PKP2: variants seen among roughly 807,000 people sequenced by gnomAD.
The protein encoded by PKP2 is plakophilin-2.
A neutral mutation model predicts 83.4 loss-of-function variants in PKP2; 73 were observed. That is an observed-to-expected ratio of 0.88 (90% CI 0.72 to 1.06). The LOEUF is 1.06. PKP2 is among the 50% of genes least tolerant of loss of function. The pLI, the probability that PKP2 is intolerant of heterozygous loss-of-function variation, is 0.00. For missense variants in PKP2, 966 were observed against 1,065.4 expected (o/e 0.91, Z 1.30); for synonymous variants, 409 against 430.4 (o/e 0.95, Z 0.62).
chr12:32,835,781 G>A (rs1018707115), intron 6 of PKP2, among the ~76,000 whole-genome samples: 1 of 152,150 alleles, frequency 6.6e-6, no homozygotes, highest in Non-Finnish European at 1.5e-5. Context: ...TCTGGGGCTG[G>A]GGGAGGGGGA....
At chr12:32,797,794 G>A (rs1956142205) in intron 10 of PKP2, among the ~76,000 whole-genome samples, 1 of 151,862 alleles carries the variant, frequency 6.6e-6, no homozygotes, top group Non-Finnish European at 1.5e-5. Context: ...CTGATCTTGT[G>A]ATCCGCCCGC....
At chr12:32,814,220 T>C (rs546619783) in intron 9 of PKP2, among the ~76,000 whole-genome samples, 1 of 152,312 alleles carries the variant, frequency 6.6e-6, no homozygotes, top group Non-Finnish European at 1.5e-5. Flanking sequence ...ACAAGGCCTA[T>C]TATTCTTTCC....
intron 4 of PKP2, among the ~76,000 whole-genome samples, chr12:32,859,202 T>C (rs1445278369): frequency 1.3e-5 from 2 of 152,188 alleles, no homozygotes; most frequent in East Asian, 3.8e-4. Flanking sequence ...GAAAATTAAT[T>C]TGATGCTTTG....
chr12:32,794,067 G>C (rs1193485681), intron 11 of PKP2, among the ~76,000 whole-genome samples: 1 of 152,100 alleles, frequency 6.6e-6, no homozygotes, highest in Non-Finnish European at 1.5e-5. Context: ...ACCAAAACCA[G>C]AGAGTGCAAA....
intron 8 of PKP2, among the ~76,000 whole-genome samples, chr12:32,822,161 T>C (rs942251836): frequency 1.3e-5 from 2 of 152,206 alleles, no homozygotes; most frequent in African/African-American, 4.8e-5. Flanking sequence ...TCCTAACCTA[T>C]AAGGCATAAA....
chr12:32,815,372 C>T (rs540511279), intron 9 of PKP2, among the ~76,000 whole-genome samples: 32 of 152,268 alleles, frequency 2.1e-4, no homozygotes, highest in Middle Eastern at 3.4e-3. Flanking sequence ...TATTTTACAA[C>T]TCTCCTAAAC....
chr12:32,808,559 G>A (rs993476583), intron 9 of PKP2, among the ~76,000 whole-genome samples: 6 of 152,126 alleles, frequency 3.9e-5, no homozygotes, highest in Admixed American at 6.6e-5. Flanking sequence ...TCGCAGTTCC[G>A]AGGCCTTGCT....
chr12:32,853,711 A>G (rs1371845652), intron 4 of PKP2, among the ~76,000 whole-genome samples: 1 of 152,094 alleles, frequency 6.6e-6, no homozygotes, highest in Non-Finnish European at 1.5e-5. Context: ...GGGTTTTGCC[A>G]TGTTGGCCAG....
rs1592747658 is a variant in PKP2, at chr12:32,843,288, C to T, written c.1379-2083G>A. Reference sequence around the variant, plus strand: ...GAGCCACCGCGCCCGGCCAGCCATTCCTACTTCTTAAATTGACTGTATGGT... The same window carrying T: ...GAGCCACCGCGCCCGGCCAGCCATTTCTACTTCTTAAATTGACTGTATGGT... On this transcript the variant is annotated intron_variant, in intron 5 of 12. Transcript: ENST00000340811. The T allele has an allele frequency of 7.3e-7, 1 of 1,360,918 alleles. No homozygotes were observed. Among genetic ancestry groups the T allele is most frequent in the Non-Finnish European group, 9.8e-7 (1 of 1,017,904 alleles). 84.3% of individuals were successfully genotyped at this position (1,360,918 alleles called of 1,614,324 possible). A position where few individuals can be genotyped will look rare whatever the true frequency, so the allele number is the denominator to read the frequency against.
intron 9 of PKP2, among the ~76,000 whole-genome samples, chr12:32,817,771 T>C (rs538379167): frequency 3.9e-5 from 6 of 152,176 alleles, no homozygotes; most frequent in South Asian, 2.1e-4. Flanking sequence ...GTATTTATTT[T>C]TGGGTAAGGT....
chr12:32,849,874 C>G (rs1956681395), intron 5 of PKP2, among the ~76,000 whole-genome samples: 1 of 152,114 alleles, frequency 6.6e-6, no homozygotes, highest in Non-Finnish European at 1.5e-5. Context: ...GAGAGGAGTC[C>G]AGATAATGGA....
rs1176309132 is a variant in PKP2, at chr12:32,810,892, G to A, written c.2014-8336C>T. Among the ~76,000 whole-genome samples, 2 of 8,558 alleles carry A rather than the reference G, an allele frequency of 2.3e-4. 1 individual carries two copies. Among genetic ancestry groups the A allele is most frequent in the Admixed American group, 1.5e-3 (2 of 1,298 alleles). 5.6% of individuals were successfully genotyped at this position (8,558 alleles called of 152,430 possible). ...GAGACGGGGTTTCACCGTTTTAGCC[G>A]GGATGGTCTCGATCTCCTGACCTCG... On this transcript the variant is annotated intron_variant, in intron 9 of 12. Transcript: ENST00000340811.
At chr12:32,891,005 T>A (rs1381030248) in intron 1 of PKP2, among the ~76,000 whole-genome samples, 1 of 152,060 alleles carries the variant, frequency 6.6e-6, no homozygotes, top group Non-Finnish European at 1.5e-5. Flanking sequence ...TTAATGTTTT[T>A]ATTATGAGAG....
chr12:32,839,665 C>T (rs1004572831), intron 6 of PKP2, among the ~76,000 whole-genome samples: 1 of 152,110 alleles, frequency 6.6e-6, no homozygotes, highest in Non-Finnish European at 1.5e-5. Context: ...AGTTTAAGTT[C>T]GGTTCCCACC....
At chr12:32,838,341 A>G (rs546964162) in intron 6 of PKP2, among the ~76,000 whole-genome samples, 10 of 152,316 alleles carry the variant, frequency 6.6e-5, no homozygotes, top group Non-Finnish European at 1.5e-4. Context: ...GGAGGGACAG[A>G]GCAGGAAAAA....
intron 4 of PKP2, among the ~76,000 whole-genome samples, chr12:32,868,522 T>C (rs1247153220): frequency 1.3e-5 from 2 of 151,434 alleles, no homozygotes; most frequent in African/African-American, 4.9e-5. Flanking sequence ...CGGTTGATTT[T>C]TTCTTTTCTT....
intron 9 of PKP2, among the ~76,000 whole-genome samples, chr12:32,807,700 G>C (rs1956239181): frequency 6.6e-6 from 1 of 152,136 alleles, no homozygotes; most frequent in African/African-American, 2.4e-5. Flanking sequence ...GCTTCCTTCA[G>C]GAGCTTTTGC....
chr12:32,822,690 T>C (rs1384968888), intron 7 of PKP2, 59 bp from the exon 8 acceptor site: 1 of 1,565,734 alleles, frequency 6.4e-7, no homozygotes, highest in Admixed American at 1.7e-5. Context: ...GCAGGTGTGA[T>C]ATCACAGGAC....
chr12:32,810,043 T>C (rs1956263397), intron 9 of PKP2, among the ~76,000 whole-genome samples: 2 of 152,218 alleles, frequency 1.3e-5, no homozygotes. Context: ...TAGCTCTTAT[T>C]TTAGCAGTCT....
Sources: allele counts gnomAD v4.1 joint callset (sites outside exome capture counted in the v4.1 genomes callset), GRCh38; gene constraint gnomAD v4.1.1; transcripts MANE v1.5; gene names NCBI Gene and HGNC (gene_info 2026-07-23, HGNC 2026-07-21).